The following USH2A variants were observed in gnomAD, a reference collection of about 807,000 sequenced individuals.
USH2A encodes usherin.
In USH2A, 443 loss-of-function variants were observed where a neutral mutation model predicts 538.9. The observed-to-expected ratio is 0.82, with a 90% CI of 0.76 to 0.89. The LOEUF (loss-of-function observed/expected upper bound fraction) is 0.89, where lower values mean the gene tolerates loss of function less well. Ranked by LOEUF, USH2A falls within the 40% of genes least tolerant of loss-of-function variation. The pLI is 0.00. For synonymous variants in USH2A, 2,413 were observed against 2,273.5 expected (o/e 1.06, Z -1.75); for missense variants, 6,633 against 6,324.8 (o/e 1.05, Z -1.65).
chr1:216,239,430 C>A (rs975383394), intron 13 of USH2A, among the ~76,000 whole-genome samples: 2 of 152,058 alleles, frequency 1.3e-5, no homozygotes, highest in Non-Finnish European at 2.9e-5. Context: ...ATATAGGGAG[C>A]ACTGCTATGG....
chr1:215,861,982 GGCAT>G (rs1469414651), intron 44 of USH2A, among the ~76,000 whole-genome samples: 2 of 151,690 alleles, frequency 1.3e-5, no homozygotes, highest in African/African-American at 4.8e-5. Context: ...TGGGACTACA[GGCAT>G]GCACCACCAC....
chr1:216,362,221 C>G (rs971727799), intron 4 of USH2A, among the ~76,000 whole-genome samples: 1 of 152,016 alleles, frequency 6.6e-6, no homozygotes, highest in African/African-American at 2.4e-5. Flanking sequence ...ACATAATATT[C>G]TTAACATAAA....
At chr1:216,363,596 T>C (rs1007657767) in intron 4 of USH2A, among the ~76,000 whole-genome samples, 1 of 152,066 alleles carries the variant, frequency 6.6e-6, no homozygotes, top group African/African-American at 2.4e-5. Context: ...AATGTAGATA[T>C]AGACACAGAT....
chr1:216,212,381 G>A (rs1210854880), intron 15 of USH2A, among the ~76,000 whole-genome samples: 3 of 152,106 alleles, frequency 2.0e-5, no homozygotes, highest in African/African-American at 4.8e-5. Context: ...GAGCATGAGA[G>A]AACTTGAACC....
At chr1:215,796,695 G>A (rs1261439708) in intron 50 of USH2A, among the ~76,000 whole-genome samples, 1 of 152,066 alleles carries the variant, frequency 6.6e-6, no homozygotes, top group African/African-American at 2.4e-5. Context: ...GTGAAAGGAA[G>A]AGTCTCATGT....
At chr1:215,936,066 CTTCAAATA>C (rs1666486905) in intron 37 of USH2A, among the ~76,000 whole-genome samples, 1 of 151,824 alleles carries the variant, frequency 6.6e-6, no homozygotes, top group African/African-American at 2.4e-5. Context: ...CCAATATTTA[CTTCAAATA>C]ACCTTTTTCC....
chr1:216,259,973 G>C (rs1333529116), intron 11 of USH2A, among the ~76,000 whole-genome samples: 1 of 152,002 alleles, frequency 6.6e-6, no homozygotes, highest in Admixed American at 6.6e-5. Context: ...CAGAGAAACT[G>C]CAGTACGAGT....
At chr1:216,418,111 C>A (rs987994953) in intron 3 of USH2A, among the ~76,000 whole-genome samples, 2 of 152,090 alleles carry the variant, frequency 1.3e-5, no homozygotes, top group Non-Finnish European at 2.9e-5. Context: ...ACATCATCAG[C>A]TGCTGAGAAA....
intron 3 of USH2A, among the ~76,000 whole-genome samples, chr1:216,415,660 A>G (rs138123587): frequency 2.3e-4 from 35 of 151,868 alleles, no homozygotes; most frequent in Middle Eastern, 3.4e-3. Flanking sequence ...AGCTGGGTCT[A>G]CAGACACGCA....
intron 54 of USH2A, among the ~76,000 whole-genome samples, chr1:215,781,258 C>T (rs1025393803): frequency 6.6e-6 from 1 of 152,200 alleles, no homozygotes; most frequent in Non-Finnish European, 1.5e-5. Flanking sequence ...GATATTTTCA[C>T]ATAAAGTGCC....
intron 46 of USH2A, among the ~76,000 whole-genome samples, chr1:215,838,360 A>G (rs1663587383): frequency 6.6e-6 from 1 of 152,218 alleles, no homozygotes; most frequent in African/African-American, 2.4e-5. Flanking sequence ...AACTATTCAC[A>G]AAGAGAAAGA....
chr1:216,367,076 C>T (rs2038614184), intron 3 of USH2A, among the ~76,000 whole-genome samples: 1 of 152,170 alleles, frequency 6.6e-6, no homozygotes, highest in Non-Finnish European at 1.5e-5. Context: ...TCTCTACTGT[C>T]TTTACCCAGC....
chr1:216,056,948 A>G (rs867386549), intron 30 of USH2A, among the ~76,000 whole-genome samples: 18 of 152,224 alleles, frequency 1.2e-4, no homozygotes, highest in African/African-American at 3.4e-4. Context: ...CTTCTTTATC[A>G]ACTATGATTG....
intron 47 of USH2A, among the ~76,000 whole-genome samples, chr1:215,818,763 C>T (rs1452678990): frequency 6.6e-6 from 1 of 151,794 alleles, no homozygotes. Context: ...AACTTAAATT[C>T]TGCACTTAGG....
In USH2A at chr1:215,741,448, A is replaced by G. The variant is rs779247231; in HGVS notation, c.11638T>C (p.Ser3880Pro). 1.2e-6 allele frequency: 2 copies of G among 1,613,752 alleles called. No individual in the cohort carries two copies. Among genetic ancestry groups the G allele is most frequent in the Non-Finnish European group, 1.7e-6 (2 of 1,179,998 alleles). The change falls in exon 60 of 72, where the codon TCA (serine) becomes CCA (proline). Residue 3880 changes from serine (S) to proline (P), a missense_variant. Physicochemically the swap from Ser to Pro is moderately conservative, Grantham distance 74. Coordinates refer to ENST00000307340, the MANE Select transcript of USH2A (RefSeq NM_206933.4). ...ATCCACTTAATCTCTATGCAAGCTG[A>G]CCCCAGTGCCTTAAGAACAGGAGAA... ...LNSPVLKALG[S>P]ACIEIKWMPP...
intron 50 of USH2A, among the ~76,000 whole-genome samples, chr1:215,795,313 C>A (rs1341525899): frequency 2.0e-5 from 3 of 152,122 alleles, no homozygotes; most frequent in African/African-American, 7.2e-5. Flanking sequence ...TGGAACAACC[C>A]CCTTCATTAC....
At chr1:216,134,622 T>C (rs1477253660) in intron 21 of USH2A, among the ~76,000 whole-genome samples, 3 of 152,126 alleles carry the variant, frequency 2.0e-5, no homozygotes, top group Non-Finnish European at 4.4e-5. Flanking sequence ...AAATGCTAGA[T>C]AGAAATTGTC....
intron 40 of USH2A, among the ~76,000 whole-genome samples, chr1:215,891,387 G>C (rs1448598804): frequency 6.6e-6 from 1 of 152,134 alleles, no homozygotes; most frequent in Non-Finnish European, 1.5e-5. Flanking sequence ...GGCTAGGGAA[G>C]TGTTAAAACC....
At chr1:216,321,024 A>G (rs887863637) in intron 9 of USH2A, among the ~76,000 whole-genome samples, 1 of 152,098 alleles carries the variant, frequency 6.6e-6, no homozygotes, top group Non-Finnish European at 1.5e-5. Context: ...CTTAAGATAT[A>G]GAATTCTAAT....
Sources: allele counts gnomAD v4.1 joint callset (sites outside exome capture counted in the v4.1 genomes callset), GRCh38; gene constraint gnomAD v4.1.1; transcripts MANE v1.5; gene names NCBI Gene and HGNC (gene_info 2026-07-23, HGNC 2026-07-21).